Variants in ENTREP2 observed in about 807,000 individuals in gnomAD.
The protein encoded by ENTREP2 is protein ENTREP2.
the ENTREP2 span, among the ~76,000 whole-genome samples, chr15:29,217,804 A>G: frequency 6.6e-6 from 1 of 151,974 alleles, no homozygotes; most frequent in Non-Finnish European, 1.5e-5. Context: ...AACTAGTGTG[A>G]TTTTTTGGGG....
chr15:29,237,307 C>G, the ENTREP2 span, among the ~76,000 whole-genome samples: 1 of 152,114 alleles, frequency 6.6e-6, no homozygotes, highest in East Asian at 1.9e-4. Context: ...TCTTTTCAAC[C>G]TCTTCAGGTG....
the ENTREP2 span, among the ~76,000 whole-genome samples, chr15:29,630,392 T>C: frequency 6.6e-6 from 1 of 152,158 alleles, no homozygotes; most frequent in Admixed American, 6.5e-5. Context: ...CTGCTTTCAA[T>C]TGTGTTTTTT....
the ENTREP2 span, among the ~76,000 whole-genome samples, chr15:29,150,156 A>G: frequency 6.6e-6 from 1 of 152,188 alleles, no homozygotes; most frequent in Non-Finnish European, 1.5e-5. Context: ...ACAGGTGAGG[A>G]AACTGAGGCA....
At chr15:29,476,350 A>G in the ENTREP2 span, among the ~76,000 whole-genome samples, 3 of 152,190 alleles carry the variant, frequency 2.0e-5, no homozygotes, top group Admixed American at 6.5e-5. Flanking sequence ...GTGTAGTTCT[A>G]TTGGACTCAC....
At chr15:29,276,371 C>A in the ENTREP2 span, among the ~76,000 whole-genome samples, 18 of 152,330 alleles carry the variant, frequency 1.2e-4, no homozygotes, top group Non-Finnish European at 2.2e-4. Flanking sequence ...TCTTCGTTTG[C>A]TTGGTTTCTA....
At chr15:29,573,722 T>C in the ENTREP2 span, among the ~76,000 whole-genome samples, 2 of 151,398 alleles carry the variant, frequency 1.3e-5, no homozygotes, top group South Asian at 4.3e-4. Context: ...CTCCTTCTCC[T>C]GATTTCTCAT....
the ENTREP2 span, among the ~76,000 whole-genome samples, chr15:29,246,209 C>A: frequency 6.9e-6 from 1 of 145,252 alleles, no homozygotes; most frequent in African/African-American, 2.6e-5. Context: ...CTGGCCAACA[C>A]GGTGAAACTC....
At chr15:29,432,232 A>T in the ENTREP2 span, among the ~76,000 whole-genome samples, 6 of 152,294 alleles carry the variant, frequency 3.9e-5, no homozygotes, top group East Asian at 1.2e-3. Context: ...AATTTTCTGC[A>T]ATTCAAATAA....
At chr15:29,670,240 G>C in the ENTREP2 span, among the ~76,000 whole-genome samples, 1 of 152,144 alleles carries the variant, frequency 6.6e-6, no homozygotes, top group Non-Finnish European at 1.5e-5. Context: ...ACAGGGGAGA[G>C]GGAAGGTAAG....
At chr15:29,603,638 TTA>T in the ENTREP2 span, among the ~76,000 whole-genome samples, 2 of 152,110 alleles carry the variant, frequency 1.3e-5, no homozygotes, top group Non-Finnish European at 1.5e-5. Flanking sequence ...ATTTAATTAA[TTA>T]ATTTATTTAT....
the ENTREP2 span, among the ~76,000 whole-genome samples, chr15:29,536,534 G>A: frequency 6.6e-6 from 1 of 151,276 alleles, no homozygotes; most frequent in Admixed American, 6.6e-5. Context: ...AACCCGGGAG[G>A]CAGAGGTTGC....
the ENTREP2 span, among the ~76,000 whole-genome samples, chr15:29,339,649 C>T: frequency 5.3e-5 from 8 of 152,206 alleles, no homozygotes; most frequent in East Asian, 1.9e-4. Context: ...CTCCAATTTA[C>T]GTACAACTTC....
chr15:29,357,648 T>G, the ENTREP2 span, among the ~76,000 whole-genome samples: 1 of 151,808 alleles, frequency 6.6e-6, no homozygotes, highest in Non-Finnish European at 1.5e-5. Flanking sequence ...CCATCCTGCC[T>G]AACATGGTGA....
At chr15:29,259,714 C>T in the ENTREP2 span, among the ~76,000 whole-genome samples, 1 of 152,076 alleles carries the variant, frequency 6.6e-6, no homozygotes, top group Non-Finnish European at 1.5e-5. Context: ...CAGTGGCTCA[C>T]ACCTACAATC....
the ENTREP2 span, among the ~76,000 whole-genome samples, chr15:29,609,505 C>T: frequency 6.7e-6 from 1 of 149,820 alleles, no homozygotes; most frequent in Non-Finnish European, 1.5e-5. Context: ...CCCCGTTCAT[C>T]TCTCTCTCAC....
At chr15:29,448,773 G>C in the ENTREP2 span, among the ~76,000 whole-genome samples, 4 of 152,170 alleles carry the variant, frequency 2.6e-5, no homozygotes, top group East Asian at 1.9e-4. Flanking sequence ...TGCTCAACCA[G>C]GTGAATCAAA....
the ENTREP2 span, among the ~76,000 whole-genome samples, chr15:29,652,149 A>G: frequency 2.0e-5 from 3 of 152,182 alleles, no homozygotes; most frequent in Non-Finnish European, 2.9e-5. Flanking sequence ...TTCCCACTCC[A>G]GCAATGAACT....
the ENTREP2 span, among the ~76,000 whole-genome samples, chr15:29,407,730 C>T: frequency 4.2e-4 from 64 of 152,152 alleles, 1 homozygote; most frequent in South Asian, 0.011. Context: ...TGCAGTGGCT[C>T]GATCTCCGCT....
chr15:29,126,710 A>T, the ENTREP2 span, among the ~76,000 whole-genome samples: 1 of 152,222 alleles, frequency 6.6e-6, no homozygotes, highest in Non-Finnish European at 1.5e-5. Flanking sequence ...TCGGGGGCTT[A>T]GACCCTTCAC....
Sources: allele counts gnomAD v4.1 joint callset (sites outside exome capture counted in the v4.1 genomes callset), GRCh38; gene constraint gnomAD v4.1.1; transcripts MANE v1.5; gene names NCBI Gene and HGNC (gene_info 2026-07-23, HGNC 2026-07-21).